EYS: variants seen among roughly 807,000 people sequenced by gnomAD.
EYS encodes protein eyes shut homolog.
EYS carries 250 observed loss-of-function variants against 282.1 expected under a neutral mutation model. The observed-to-expected ratio is 0.89, with a 90% CI of 0.80 to 0.98. The LOEUF is 0.98. Among genes scored for constraint, EYS ranks in the 50% least tolerant of loss-of-function variants. The pLI, the probability that EYS is intolerant of heterozygous loss-of-function variation, is 0.00. For synonymous variants in EYS, 1,355 were observed against 1,282.9 expected (o/e 1.06, Z -1.20); for missense variants, 4,016 against 3,709.0 (o/e 1.08, Z -2.15).
intron 26 of EYS, among the ~76,000 whole-genome samples, chr6:64,555,778 T>G (rs1765215455): frequency 6.6e-6 from 1 of 151,960 alleles, no homozygotes; most frequent in Non-Finnish European, 1.5e-5. Flanking sequence ...ATGAATGTAT[T>G]AAATTATCAC....
rs555761839 is a variant in EYS, at chr6:64,199,649, A to G, written c.6424+30943T>C. 3.3e-5 allele frequency among the ~76,000 whole-genome samples: 5 copies of G among 152,300 alleles called. No individual in the cohort carries two copies. The East Asian group carries it at 9.7e-4, about 29-fold the overall frequency. ...ATCAGAGTGAACAGGCAACCTACAG[A>G]ATGGGAGAAAATTTTTGCAATCTAT... On this transcript the variant is annotated intron_variant, in intron 31 of 42. Transcript: ENST00000503581.
At chr6:65,372,496 A>G (rs2150342849) in intron 8 of EYS, among the ~76,000 whole-genome samples, 1 of 152,168 alleles carries the variant, frequency 6.6e-6, no homozygotes, top group East Asian at 1.9e-4. Flanking sequence ...AATATCAAAC[A>G]TTTTTAAATG....
intron 30 of EYS, among the ~76,000 whole-genome samples, chr6:64,236,296 T>G (rs1766604318): frequency 6.6e-6 from 1 of 152,214 alleles, no homozygotes; most frequent in South Asian, 2.1e-4. Flanking sequence ...TTAGTACTGA[T>G]ATGGATCTAT....
At chr6:65,190,771 T>C (rs1765623235) in intron 12 of EYS, among the ~76,000 whole-genome samples, 1 of 151,800 alleles carries the variant, frequency 6.6e-6, no homozygotes, top group Non-Finnish European at 1.5e-5. Flanking sequence ...GTGTATTTTC[T>C]AAAAATATTC....
At chr6:64,440,433 T>C (rs1211083123) in intron 26 of EYS, among the ~76,000 whole-genome samples, 2 of 152,034 alleles carry the variant, frequency 1.3e-5, no homozygotes, top group Non-Finnish European at 1.5e-5. Flanking sequence ...CCAGGAAGCA[T>C]TTGCACTTTA....
intron 33 of EYS, among the ~76,000 whole-genome samples, chr6:64,014,877 A>C (rs1480165351): frequency 6.6e-6 from 1 of 151,970 alleles, no homozygotes; most frequent in East Asian, 1.9e-4. Context: ...CCCATCTTTA[A>C]AATTTCCTAT....
chr6:63,953,674 T>A (rs1200067107), intron 35 of EYS, among the ~76,000 whole-genome samples: 1 of 152,112 alleles, frequency 6.6e-6, no homozygotes, highest in Non-Finnish European at 1.5e-5. Flanking sequence ...GCTGACCCCA[T>A]AAATCCTAAA....
chr6:65,278,319 GAAATCTATATATATATAGAATCTATA>G (rs1768113917), intron 12 of EYS, among the ~76,000 whole-genome samples: 1 of 38,810 alleles, frequency 2.6e-5, no homozygotes, highest in South Asian at 1.7e-3. Flanking sequence ...ATATTCTATA[GAAATCTATATATATATAGAATCTATA>G]TATTCTATAT....
At chr6:64,818,028 G>C (rs115590825) in intron 21 of EYS, among the ~76,000 whole-genome samples, 2 of 151,992 alleles carry the variant, frequency 1.3e-5, no homozygotes, top group African/African-American at 4.8e-5. Context: ...AGAAAGTCAC[G>C]ATTTTTAAAT....
intron 12 of EYS, among the ~76,000 whole-genome samples, chr6:65,258,658 T>C (rs1337141087): frequency 6.6e-6 from 1 of 152,022 alleles, no homozygotes; most frequent in African/African-American, 2.4e-5. Flanking sequence ...GAGAGCAAGA[T>C]TGTCTGGTTC....
intron 29 of EYS, among the ~76,000 whole-genome samples, chr6:64,365,626 G>A (rs1772158010): frequency 6.6e-6 from 1 of 152,004 alleles, no homozygotes; most frequent in African/African-American, 2.4e-5. Flanking sequence ...TTATTCATGG[G>A]TGATATGGTG....
At chr6:65,353,058 G>GT (rs540545725) in intron 9 of EYS, among the ~76,000 whole-genome samples, 41 of 150,862 alleles carry the variant, frequency 2.7e-4, no homozygotes, top group Admixed American at 7.9e-4. Context: ...CAATTGCCCA[G>GT]TTTTTTTTTC....
chr6:65,587,217 C>G (rs1765082596), intron 2 of EYS, among the ~76,000 whole-genome samples: 1 of 152,036 alleles, frequency 6.6e-6, no homozygotes, highest in Non-Finnish European at 1.5e-5. Flanking sequence ...AATCCTTTGG[C>G]TCAACTTACT....
chr6:65,293,201 G>A (rs1313851979), intron 12 of EYS, among the ~76,000 whole-genome samples: 1 of 151,044 alleles, frequency 6.6e-6, no homozygotes, highest in African/African-American at 2.4e-5. Flanking sequence ...TTTTGACCAT[G>A]TAAAAATTTT....
At chr6:64,237,369 C>T (rs559585538) in intron 30 of EYS, among the ~76,000 whole-genome samples, 88 of 152,254 alleles carry the variant, frequency 5.8e-4, no homozygotes, top group Admixed American at 1.2e-3. Context: ...TCTTTCTAAG[C>T]CCCCTATTTC....
Position 64,621,424 on chromosome 6 carries a change from T to C in EYS, c.3569-3891A>G, listed in dbSNP as rs193070617. Among the ~76,000 whole-genome samples the C allele has an allele frequency of 1.6e-4, 25 of 152,300 alleles. No homozygotes were observed. The East Asian group carries it at 4.0e-3, about 25-fold the overall frequency. ...AACTAGTTAATACATTATTTAGTAA[T>C]TGGATAACATAAAATTATTTTCTCT... On this transcript the variant is annotated intron_variant, in intron 23 of 42. Coordinates refer to ENST00000503581, the MANE Select transcript of EYS (RefSeq NM_001142800.2).
intron 29 of EYS, among the ~76,000 whole-genome samples, chr6:64,346,683 C>A (rs1771413985): frequency 6.6e-6 from 1 of 151,262 alleles, no homozygotes; most frequent in African/African-American, 2.4e-5. Flanking sequence ...GCGCATGTAC[C>A]CTAAAACTTA....
At chr6:65,182,912 T>C (rs1765426906) in intron 12 of EYS, among the ~76,000 whole-genome samples, 1 of 151,776 alleles carries the variant, frequency 6.6e-6, no homozygotes, top group African/African-American at 2.4e-5. Flanking sequence ...CCCCAGCCTC[T>C]TAAGTAGCTG....
At chr6:64,100,903 T>C (rs1772802925) in intron 31 of EYS, among the ~76,000 whole-genome samples, 1 of 152,198 alleles carries the variant, frequency 6.6e-6, no homozygotes, top group Non-Finnish European at 1.5e-5. Context: ...TGTCATTGAA[T>C]CTGAAGTCCC....
Sources: allele counts gnomAD v4.1 joint callset (sites outside exome capture counted in the v4.1 genomes callset), GRCh38; gene constraint gnomAD v4.1.1; transcripts MANE v1.5; gene names NCBI Gene and HGNC (gene_info 2026-07-23, HGNC 2026-07-21).